The following LPP variants were observed in gnomAD, a reference collection of about 807,000 sequenced individuals.
LPP encodes the protein lipoma-preferred partner.
In LPP, 38 loss-of-function variants were observed where a neutral mutation model predicts 60.4. The observed-to-expected ratio is 0.63, with a 90% CI of 0.49 to 0.83. LPP has a LOEUF of 0.83. LPP is among the 40% of genes least tolerant of loss of function. The pLI is 0.00. For missense variants in LPP, 902 were observed against 783.6 expected, an observed-to-expected ratio of 1.15 and a Z score of -1.80; for synonymous variants, 328 against 290.8, an observed-to-expected ratio of 1.13 and a Z score of -1.30.
At chr3:188,745,675 GT>G (rs1178175160) in intron 8 of LPP, among the ~76,000 whole-genome samples, 1 of 152,086 alleles carries the variant, frequency 6.6e-6, no homozygotes, top group African/African-American at 2.4e-5. Context: ...ACTTTTTTAA[GT>G]TGATAAATCC....
chr3:188,847,622 T>A (rs12185993), intron 9 of LPP, among the ~76,000 whole-genome samples: 33,633 of 152,110 alleles, frequency 0.22, 3,939 homozygotes, highest in African/African-American at 0.26. Flanking sequence ...CCCAAGCAGT[T>A]GTAAAAATAA....
intron 5 of LPP, among the ~76,000 whole-genome samples, chr3:188,521,504 G>A (rs1365667984): frequency 2.0e-5 from 3 of 152,108 alleles, no homozygotes; most frequent in African/African-American, 4.8e-5. Flanking sequence ...AGATGTAGAA[G>A]ACCTGATTAA....
chr3:188,529,809 T>A (rs1466289676), intron 6 of LPP, among the ~76,000 whole-genome samples: 2 of 152,338 alleles, frequency 1.3e-5, no homozygotes, highest in East Asian at 3.9e-4. Flanking sequence ...AGAGTGATAT[T>A]TAATCTTACA....
intron 9 of LPP, among the ~76,000 whole-genome samples, chr3:188,855,441 A>C (rs1472113740): frequency 6.6e-6 from 1 of 152,240 alleles, no homozygotes; most frequent in African/African-American, 2.4e-5. Flanking sequence ...GATAAGCACT[A>C]TGAAGAAAGC....
chr3:188,810,870 A>G (rs894970037), intron 9 of LPP, among the ~76,000 whole-genome samples: 4 of 152,124 alleles, frequency 2.6e-5, no homozygotes, highest in Non-Finnish European at 5.9e-5. Context: ...TTTCAATTCT[A>G]TATAATTTTT....
At chr3:188,238,880 ATCT>A (rs147410529) in intron 2 of LPP, among the ~76,000 whole-genome samples, 2,569 of 152,316 alleles carry the variant, frequency 0.017, 64 homozygotes, top group African/African-American at 0.056. Context: ...GCCTCCACAA[ATCT>A]TCTATTTGTA....
intron 2 of LPP, among the ~76,000 whole-genome samples, chr3:188,332,197 T>C (rs563951459): frequency 3.9e-5 from 6 of 152,326 alleles, no homozygotes; most frequent in Admixed American, 3.3e-4. Context: ...TTGACAAATA[T>C]GTTTTCTTCT....
chr3:188,827,365 A>G (rs1755838734), intron 9 of LPP, among the ~76,000 whole-genome samples: 1 of 152,176 alleles, frequency 6.6e-6, no homozygotes, highest in Non-Finnish European at 1.5e-5. Flanking sequence ...CCCACAGCAC[A>G]TGACCCCATA....
intron 7 of LPP, among the ~76,000 whole-genome samples, chr3:188,675,405 A>C (rs540452487): frequency 6.6e-6 from 1 of 152,338 alleles, no homozygotes; most frequent in East Asian, 1.9e-4. Flanking sequence ...CCACGCATAC[A>C]CACAAAGCAA....
intron 6 of LPP, among the ~76,000 whole-genome samples, chr3:188,607,221 C>T (rs1019879343): frequency 2.0e-5 from 3 of 149,776 alleles, no homozygotes; most frequent in African/African-American, 7.4e-5. Flanking sequence ...ATTTCAGGAG[C>T]CATTGCTTTC....
chr3:188,159,877 C>G (rs1717669420), intron 1 of LPP, among the ~76,000 whole-genome samples: 1 of 151,884 alleles, frequency 6.6e-6, no homozygotes, highest in African/African-American at 2.4e-5. Context: ...CCTCTGTTTT[C>G]TTCTCTTTTG....
intron 8 of LPP, among the ~76,000 whole-genome samples, chr3:188,745,184 A>G (rs1725752295): frequency 6.6e-6 from 1 of 152,106 alleles, no homozygotes; most frequent in Non-Finnish European, 1.5e-5. Flanking sequence ...TTTATTTTAT[A>G]TGGTAATTAT....
At chr3:188,337,755 C>T (rs968477152) in intron 2 of LPP, among the ~76,000 whole-genome samples, 7 of 152,198 alleles carry the variant, frequency 4.6e-5, no homozygotes, top group African/African-American at 1.7e-4. Context: ...TCACCTTGGC[C>T]TCCCAGAGTG....
At chr3:188,842,220 A>C (rs1338707235) in intron 9 of LPP, among the ~76,000 whole-genome samples, 2 of 152,204 alleles carry the variant, frequency 1.3e-5, no homozygotes, top group Non-Finnish European at 2.9e-5. Flanking sequence ...AAGCCATTTT[A>C]ACTGAGGCAA....
chr3:188,778,522 T>A lies in LPP; in HGVS notation c.1410+18240T>A, dbSNP rs529247341. Among the ~76,000 whole-genome samples, 10 of 152,344 alleles carry A rather than the reference T, an allele frequency of 6.6e-5. No homozygotes were observed. The East Asian group carries it at 1.7e-3, about 26-fold the overall frequency. Reference sequence around the variant, plus strand: ...ATCCAACCCTGCTGTAGATAGGATCTCATTATAAAGATTCTAGGTAAACAG... The same window carrying A: ...ATCCAACCCTGCTGTAGATAGGATCACATTATAAAGATTCTAGGTAAACAG... On this transcript the variant is annotated intron_variant, in intron 9 of 11. Coordinates refer to ENST00000617246, the MANE Select transcript of LPP (RefSeq NM_001375462.1).
chr3:188,345,748 A>G (rs142902180), intron 3 of LPP, among the ~76,000 whole-genome samples: 2 of 152,242 alleles, frequency 1.3e-5, no homozygotes, highest in Admixed American at 6.5e-5. Context: ...TCACATGTAC[A>G]TGGGGGCTTC....
At chr3:188,419,480 CT>C (rs1787196869) in intron 4 of LPP, among the ~76,000 whole-genome samples, 1 of 152,158 alleles carries the variant, frequency 6.6e-6, no homozygotes, top group Non-Finnish European at 1.5e-5. Context: ...AGTGGTTAAG[CT>C]TGTAGACTCT....
intron 4 of LPP, among the ~76,000 whole-genome samples, chr3:188,483,688 GC>G (rs1805470524): frequency 6.6e-6 from 1 of 152,048 alleles, no homozygotes; most frequent in African/African-American, 2.4e-5. Context: ...ACAGCAGTGT[GC>G]TTCTCTTGTT....
intron 9 of LPP, among the ~76,000 whole-genome samples, chr3:188,863,536 CTG>C (rs756957323): frequency 1.8e-4 from 28 of 152,158 alleles, no homozygotes; most frequent in Admixed American, 3.9e-4. Flanking sequence ...CCTCCTGACA[CTG>C]TGAGTTTTTC....
Sources: gnomAD v4.1 joint callset for allele counts (sites outside exome capture counted in the v4.1 genomes callset) on GRCh38, gnomAD v4.1.1 for gene constraint, MANE v1.5 for transcripts, NCBI Gene and HGNC (gene_info 2026-07-23, HGNC 2026-07-21) for gene names.